FABP12: variants seen among roughly 807,000 people sequenced by gnomAD.
The protein encoded by FABP12 is fatty acid-binding protein 12.
Under a neutral mutation model 13.7 loss-of-function variants are expected in FABP12, and 19 were observed. The ratio of observed to expected loss-of-function variants is 1.39; its 90% confidence interval spans 0.97 to 2.04. The LOEUF is 2.04. FABP12 is among the 30% of genes most tolerant of loss of function. The pLI is 0.00. For synonymous variants in FABP12, 61 were observed against 57.0 expected, an observed-to-expected ratio of 1.07 and a Z score of -0.32; for missense variants, 182 against 164.2, an observed-to-expected ratio of 1.11 and a Z score of -0.59.
chr8:81,548,630 C>T (rs1426311703), intron 1 of FABP12, among the ~76,000 whole-genome samples: 1 of 152,130 alleles, frequency 6.6e-6, no homozygotes, highest in Non-Finnish European at 1.5e-5. Flanking sequence ...CTGTGTTACT[C>T]CCACAAGGTC....
At chr8:81,540,146 G>A (rs778552745) in intron 1 of FABP12, among the ~76,000 whole-genome samples, 85 of 152,168 alleles carry the variant, frequency 5.6e-4, no homozygotes, top group Admixed American at 1.6e-3. Flanking sequence ...TGGACTAGGC[G>A]GCATCACCAT....
At chr8:81,573,000 T>C (rs750293641) in intron 1 of FABP12, among the ~76,000 whole-genome samples, 8 of 152,200 alleles carry the variant, frequency 5.3e-5, no homozygotes, top group Non-Finnish European at 1.2e-4. Context: ...TGCTTTTGTG[T>C]TCTTGGTCAT....
At chr8:81,561,399 T>G (rs1253331024) in intron 1 of FABP12, among the ~76,000 whole-genome samples, 3 of 152,192 alleles carry the variant, frequency 2.0e-5, no homozygotes, top group African/African-American at 7.2e-5. Flanking sequence ...CTAAAACATA[T>G]TGGTGATATG....
Position 81,529,558 on chromosome 8 carries a change from G to C in FABP12, c.126C>G (p.Thr42=), listed in dbSNP as rs750608893. 4 of 1,613,788 alleles carry C rather than the reference G, an allele frequency of 2.5e-6. No individual in the cohort carries two copies. The South Asian group carries it at 4.4e-5, about 18-fold the overall frequency. Residue 42 remains threonine (T), a synonymous_variant, in exon 3 of 5, where the codon ACC becomes ACG. Transcript: ENST00000360464. ...TGATGACATCTCCATCTGTACTGAT[G>C]GTCACAGTGGGTTTTGCCAAACGGC...
At chr8:81,562,161 C>T (rs552540226) in intron 1 of FABP12, among the ~76,000 whole-genome samples, 4 of 152,282 alleles carry the variant, frequency 2.6e-5, no homozygotes, top group African/African-American at 7.2e-5. Context: ...TGCCAGCTCC[C>T]AGATACACCC....
chr8:81,564,029 T>A (rs1809773733), intron 1 of FABP12, among the ~76,000 whole-genome samples: 1 of 151,912 alleles, frequency 6.6e-6, no homozygotes, highest in African/African-American at 2.4e-5. Context: ...AAATAAAGGA[T>A]CTTAAAAGCA....
exon 3 of FABP12, chr8:81,529,501 A>C (rs1048947771): frequency 6.2e-7 from 1 of 1,613,958 alleles, no homozygotes; most frequent in Non-Finnish European, 8.5e-7. Flanking sequence ...AGGAGATCTC[A>C]TTATTTTTAA....
chr8:81,562,981 T>A (rs1002446220), intron 1 of FABP12, among the ~76,000 whole-genome samples: 1 of 152,234 alleles, frequency 6.6e-6, no homozygotes, highest in Admixed American at 6.5e-5. Context: ...TGAGACCCAG[T>A]GCTTTGCAAG....
chr8:81,578,001 A>G (rs7825342), intron 1 of FABP12, among the ~76,000 whole-genome samples: 3,995 of 152,284 alleles, frequency 0.026, 167 homozygotes, highest in African/African-American at 0.092. Context: ...AAATATCCCA[A>G]TAGACCCATG....
At chr8:81,568,828 T>C (rs1434402218) in intron 1 of FABP12, among the ~76,000 whole-genome samples, 2 of 152,156 alleles carry the variant, frequency 1.3e-5, no homozygotes, top group African/African-American at 2.4e-5. Context: ...GGAAGTAGAG[T>C]ACATTATGTT....
chr8:81,561,367 T>C (rs1418906079), intron 1 of FABP12, among the ~76,000 whole-genome samples: 1 of 152,182 alleles, frequency 6.6e-6, no homozygotes, highest in Non-Finnish European at 1.5e-5. Flanking sequence ...TTTTTTTCTC[T>C]TCTAGTACTG....
At chr8:81,530,236 T>A (rs1190699571) in intron 2 of FABP12, among the ~76,000 whole-genome samples, 1 of 152,202 alleles carries the variant, frequency 6.6e-6, no homozygotes, top group Non-Finnish European at 1.5e-5. Context: ...AACTTGCTTT[T>A]TCCCCTTATC....
At chr8:81,536,256 G>GT (rs1162547183), upstream of FABP12, among the ~76,000 whole-genome samples, 2 of 152,122 alleles carry the variant, frequency 1.3e-5, no homozygotes, top group African/African-American at 2.4e-5. Context: ...ATAATTATCT[G>GT]TTGCTCTTCT....
chr8:81,585,127 T>A (rs1189672575), intron 1 of FABP12, among the ~76,000 whole-genome samples: 1 of 152,166 alleles, frequency 6.6e-6, no homozygotes, highest in Non-Finnish European at 1.5e-5. Context: ...GTTTCCTGTG[T>A]TTTTAAGGTC....
intron 1 of FABP12, among the ~76,000 whole-genome samples, chr8:81,541,122 C>T (rs7012729): frequency 0.26 from 38,981 of 149,146 alleles, 6,489 homozygotes; most frequent in African/African-American, 0.48. Context: ...GCCGAGATCA[C>T]GCCACTGCAC....
chr8:81,525,091 T>C (rs1277699532), exon 5 of FABP12: 22 of 1,594,388 alleles, frequency 1.4e-5, no homozygotes, highest in Non-Finnish European at 1.7e-5. Context: ...CGTATGTTCG[T>C]GTACAGATAA....
chr8:81,539,433 CTTTTTTT>C (rs35386904), intron 2 of FABP12, among the ~76,000 whole-genome samples: 43 of 50,028 alleles, frequency 8.6e-4, no homozygotes, highest in African/African-American at 3.4e-3. Flanking sequence ...TTCTTTAGTT[CTTTTTTT>C]TTTTTTTTTT....
intron 1 of FABP12, among the ~76,000 whole-genome samples, chr8:81,556,145 T>C (rs1173839195): frequency 2.0e-5 from 3 of 152,178 alleles, no homozygotes; most frequent in African/African-American, 4.8e-5. Flanking sequence ...TATAACACTA[T>C]AGTTGGCAAG....
At chr8:81,526,802 C>G (rs2129920496) in intron 4 of FABP12, among the ~76,000 whole-genome samples, 2 of 152,276 alleles carry the variant, frequency 1.3e-5, no homozygotes, top group South Asian at 4.1e-4. Flanking sequence ...AAGGATTAGG[C>G]TGCATGATAT....
Sources: allele counts gnomAD v4.1 joint callset (sites outside exome capture counted in the v4.1 genomes callset), GRCh38; gene constraint gnomAD v4.1.1; transcripts MANE v1.5; gene names NCBI Gene and HGNC (gene_info 2026-07-23, HGNC 2026-07-21).